The following NRG1 variants were observed in gnomAD, a reference collection of about 807,000 sequenced individuals.
NRG1 encodes pro-neuregulin-1, membrane-bound isoform.
NRG1 carries 18 observed loss-of-function variants against 63.8 expected under a neutral mutation model. That is an observed-to-expected ratio of 0.28 (90% CI 0.19 to 0.42). The LOEUF (loss-of-function observed/expected upper bound fraction) is 0.42. NRG1 is among the 10% of genes least tolerant of loss of function. The probability of loss-of-function intolerance (pLI) is 1.00; values close to 1 mark genes in which losing one functional copy is unlikely to be tolerated. For missense variants in NRG1, 762 were observed against 814.7 expected, an observed-to-expected ratio of 0.94 and a Z score of 0.79; for synonymous variants, 302 against 301.3, an observed-to-expected ratio of 1.00 and a Z score of -0.02.
chr8:32,207,213 T>G (rs75814713), intron 1 of NRG1, among the ~76,000 whole-genome samples: 1,886 of 152,238 alleles, frequency 0.012, 47 homozygotes, highest in African/African-American at 0.043. Flanking sequence ...CAGGTAATTT[T>G]AAATGTCGCT....
rs144217539 is a variant in NRG1 at position 32,088,976 on chromosome 8, A to G, written c.37+449545A>G. 2.8e-3 allele frequency among the ~76,000 whole-genome samples: 430 copies of G among 152,280 alleles called. 1 individual carries two copies. The highest frequency in any genetic ancestry group is 7.5e-3 in the African/African-American group (311 of 41,558). On this transcript the variant is annotated intron_variant, in intron 1 of 10. Transcript: ENST00000519301. The stretch of plus-strand genomic sequence containing the variant: ...TTGTTACTAAGCTGCACTGCCTCCC[A>G]CACATGGCCTATTTTGGTCTCTAAA...
At chr8:31,880,050 G>A (rs551518264) in intron 1 of NRG1, among the ~76,000 whole-genome samples, 1 of 152,218 alleles carries the variant, frequency 6.6e-6, no homozygotes, top group African/African-American at 2.4e-5. Context: ...CGGTGAGGTT[G>A]CAGAGAAAAG....
chr8:32,602,739 T>G (rs1429464518), intron 2 of NRG1, among the ~76,000 whole-genome samples: 2 of 152,180 alleles, frequency 1.3e-5, no homozygotes, highest in Non-Finnish European at 2.9e-5. Context: ...TGAAAATTCT[T>G]CCAGCAAACC....
At chr8:32,309,041 A>G (rs1190162022) in intron 1 of NRG1, among the ~76,000 whole-genome samples, 1 of 152,074 alleles carries the variant, frequency 6.6e-6, no homozygotes, top group East Asian at 1.9e-4. Flanking sequence ...GTAGCTTATG[A>G]AGGAGTGAAG....
intron 1 of NRG1, among the ~76,000 whole-genome samples, chr8:32,047,663 TTTAC>T (rs1821223650): frequency 6.6e-6 from 1 of 152,034 alleles, no homozygotes; most frequent in Admixed American, 6.6e-5. Context: ...ATAAATTTTA[TTTAC>T]TTACTGTGTA....
intron 2 of NRG1, among the ~76,000 whole-genome samples, chr8:32,601,949 A>G (rs1194096265): frequency 1.3e-5 from 2 of 152,170 alleles, no homozygotes; most frequent in Non-Finnish European, 1.5e-5. Flanking sequence ...CTAATTAGAA[A>G]TCCTTATTTC....
chr8:32,422,771 G>A (rs1465131638), intron 1 of NRG1, among the ~76,000 whole-genome samples: 2 of 152,202 alleles, frequency 1.3e-5, no homozygotes, highest in African/African-American at 4.8e-5. Context: ...ATGTCTAATG[G>A]TTTTTGAATT....
chr8:32,668,588 G>GA (rs1448871098), intron 5 of NRG1, among the ~76,000 whole-genome samples: 1 of 152,068 alleles, frequency 6.6e-6, no homozygotes, highest in Non-Finnish European at 1.5e-5. Context: ...TCATGTGTGT[G>GA]AAAAATATAG....
intron 1 of NRG1, among the ~76,000 whole-genome samples, chr8:31,749,313 T>A (rs1431614333): frequency 2.0e-5 from 3 of 151,876 alleles, no homozygotes; most frequent in Non-Finnish European, 2.9e-5. Context: ...AAATAAATGA[T>A]CAGTTTTTAT....
At chr8:32,252,129 C>A (rs1453484286) in intron 1 of NRG1, among the ~76,000 whole-genome samples, 1 of 152,082 alleles carries the variant, frequency 6.6e-6, no homozygotes, top group Non-Finnish European at 1.5e-5. Flanking sequence ...CAAAATTTTT[C>A]TCTCATTCTG....
chr8:32,714,568 G>C (rs1055933611), intron 5 of NRG1, among the ~76,000 whole-genome samples: 1 of 152,182 alleles, frequency 6.6e-6, no homozygotes, highest in Non-Finnish European at 1.5e-5. Flanking sequence ...CTGGCTGTAG[G>C]AAAAGAGCTT....
intron 1 of NRG1, among the ~76,000 whole-genome samples, chr8:31,760,027 A>T (rs1817364853): frequency 6.6e-6 from 1 of 152,146 alleles, no homozygotes; most frequent in South Asian, 2.1e-4. Context: ...AGTAGCAGTT[A>T]CTTCCTCCTC....
chr8:32,463,673 C>G (rs1049375334), intron 1 of NRG1, among the ~76,000 whole-genome samples: 1 of 151,748 alleles, frequency 6.6e-6, no homozygotes, highest in African/African-American at 2.4e-5. Flanking sequence ...GAGACCTCAT[C>G]TCTCTAAAAA....
chr8:32,073,205 A>C (rs1315740992), intron 1 of NRG1, among the ~76,000 whole-genome samples: 1 of 152,202 alleles, frequency 6.6e-6, no homozygotes, highest in East Asian at 1.9e-4. Context: ...TTGTCATTAC[A>C]GCATTAAGCA....
At chr8:31,729,341 C>T (rs1349035282) in intron 1 of NRG1, among the ~76,000 whole-genome samples, 4 of 151,922 alleles carry the variant, frequency 2.6e-5, no homozygotes, top group Non-Finnish European at 4.4e-5. Context: ...TATGCCCACT[C>T]ACATGTAGGT....
At chr8:32,733,474 A>G (rs56126917) in intron 6 of NRG1, among the ~76,000 whole-genome samples, 22,729 of 152,132 alleles carry the variant, frequency 0.15, 1,770 homozygotes, top group Middle Eastern at 0.24. Context: ...AATATATATA[A>G]TGTAAATGAA....
intron 1 of NRG1, among the ~76,000 whole-genome samples, chr8:31,915,666 T>C (rs1232615492): frequency 2.0e-5 from 3 of 152,160 alleles, no homozygotes; most frequent in African/African-American, 7.2e-5. Context: ...AAATATATGC[T>C]CATTTTATAT....
intron 1 of NRG1, among the ~76,000 whole-genome samples, chr8:32,403,314 A>G (rs1361648578): frequency 2.0e-5 from 3 of 151,700 alleles, no homozygotes; most frequent in African/African-American, 7.2e-5. Flanking sequence ...AAAAAAAAAA[A>G]AAAAAGAAAG....
At chr8:32,482,970 G>T (rs1825490990) in intron 1 of NRG1, among the ~76,000 whole-genome samples, 1 of 152,248 alleles carries the variant, frequency 6.6e-6, no homozygotes, top group East Asian at 1.9e-4. Flanking sequence ...ACAAGGCTTT[G>T]ATCTCTGGGG....
Sources: gnomAD v4.1 joint callset for allele counts (sites outside exome capture counted in the v4.1 genomes callset) on GRCh38, gnomAD v4.1.1 for gene constraint, MANE v1.5 for transcripts, NCBI Gene and HGNC (gene_info 2026-07-23, HGNC 2026-07-21) for gene names.